The following IQCE variants were observed in gnomAD, a reference collection of about 807,000 sequenced individuals.
The protein encoded by IQCE is IQ domain-containing protein E.
IQCE carries 115 observed loss-of-function variants against 96.0 expected under a neutral mutation model. The observed-to-expected ratio is 1.20, with a 90% CI of 1.03 to 1.40. The LOEUF (loss-of-function observed/expected upper bound fraction) is 1.40, where lower values mean the gene tolerates loss of function less well. Among genes scored for constraint, IQCE ranks in the 40% most tolerant of loss-of-function variants. The pLI, the probability that IQCE is intolerant of heterozygous loss-of-function variation, is 0.00. For missense variants in IQCE, 1,041 were observed against 909.1 expected (o/e 1.15, Z -1.87); for synonymous variants, 412 against 371.2 (o/e 1.11, Z -1.26).
At chr7:2,608,456 A>G (rs930013899) in intron 21 of IQCE, among the ~76,000 whole-genome samples, 1 of 152,174 alleles carries the variant, frequency 6.6e-6, no homozygotes, top group Admixed American at 6.5e-5. Flanking sequence ...TCATTTTTTA[A>G]CCTAGTTTCG....
At chr7:2,566,889 C>T (rs1214193310) in intron 1 of IQCE, among the ~76,000 whole-genome samples, 1 of 152,240 alleles carries the variant, frequency 6.6e-6, no homozygotes, top group Non-Finnish European at 1.5e-5. Flanking sequence ...CATTTGCACG[C>T]CTGCTGGGCG....
chr7:2,565,862 C>T (rs746324266), intron 1 of IQCE, among the ~76,000 whole-genome samples: 12 of 152,070 alleles, frequency 7.9e-5, no homozygotes, highest in Non-Finnish European at 7.4e-5. Flanking sequence ...TGGAATGCAC[C>T]GTCTTTCCTT....
chr7:2,559,301 C>T, intron 1 of IQCE, 84 bp downstream of exon 1: 4 of 790,636 alleles, frequency 5.1e-6, no homozygotes, highest in Non-Finnish European at 6.7e-6. Context: ...CGGGGCCCCG[C>T]GCAGGGGCCG....
chr7:2,577,790 G>A (rs1490864580), intron 6 of IQCE, among the ~76,000 whole-genome samples: 17 of 135,414 alleles, frequency 1.3e-4, no homozygotes, highest in African/African-American at 4.5e-4. Context: ...CGGCGTATAC[G>A]CATTGGCGTG....
At chr7:2,561,426 T>G (rs1780946714) in intron 1 of IQCE, among the ~76,000 whole-genome samples, 1 of 151,478 alleles carries the variant, frequency 6.6e-6, no homozygotes. Flanking sequence ...ACAATAATTT[T>G]TTTTTTTTTT....
Position 2,614,081 on chromosome 7 carries a change from C to CCG in IQCE, c.*3920_*3921insGC, listed in dbSNP as rs1785205178. The CCG allele has an allele frequency of 6.6e-6, 1 of 152,158 alleles. No homozygotes were observed. Among genetic ancestry groups the CCG allele is most frequent in the South Asian group, 2.1e-4 (1 of 4,818 alleles). 9.4% of individuals were successfully genotyped at this position (152,158 alleles called of 1,614,324 possible). A position where few individuals can be genotyped will look rare whatever the true frequency, so the allele number is the denominator to read the frequency against. On this transcript the variant is annotated 3_prime_UTR_variant, in exon 22 of 22. Coordinates refer to ENST00000402050, the MANE Select transcript of IQCE (RefSeq NM_152558.5). Reference sequence around the variant, plus strand: ...TTTGTCTCCTGACGAGACGTGAGGACCATGCCCTTGATCCCTCCGATGGAC... The same window carrying CCG: ...TTTGTCTCCTGACGAGACGTGAGGACCGCATGCCCTTGATCCCTCCGATGGAC...
intron 16 of IQCE, among the ~76,000 whole-genome samples, chr7:2,595,441 C>T (rs1562666829): frequency 2.6e-5 from 4 of 152,166 alleles, no homozygotes; most frequent in Admixed American, 2.6e-4. Context: ...CCCTCCCTGC[C>T]GTCACTCAGC....
chr7:2,583,209 T>A (rs1393843082), intron 9 of IQCE, among the ~76,000 whole-genome samples: 1 of 152,222 alleles, frequency 6.6e-6, no homozygotes, highest in Non-Finnish European at 1.5e-5. Context: ...AAGTCTACTC[T>A]CTTTTGAGAC....
At chr7:2,592,277 G>C (rs73675130) in intron 14 of IQCE, among the ~76,000 whole-genome samples, 1 of 152,208 alleles carries the variant, frequency 6.6e-6, no homozygotes, top group South Asian at 2.1e-4. Flanking sequence ...AGTATTTCAC[G>C]ACAAGCTTTT....
chr7:2,592,906 C>T, intron 14 of IQCE, 116 bp from the exon 15 acceptor site: 2 of 1,123,144 alleles, frequency 1.8e-6, no homozygotes, highest in South Asian at 3.7e-5. Flanking sequence ...CCTCCTGCCC[C>T]ACCATCCACT....
intron 12 of IQCE, among the ~76,000 whole-genome samples, chr7:2,587,451 C>T (rs1047865024): frequency 4.6e-5 from 7 of 152,022 alleles, no homozygotes; most frequent in Admixed American, 4.6e-4. Context: ...GGAGGAGTGG[C>T]TAGCGAGGGG....
At chr7:2,598,916 T>A (rs1583496386) in intron 17 of IQCE, among the ~76,000 whole-genome samples, 2 of 152,228 alleles carry the variant, frequency 1.3e-5, no homozygotes, top group South Asian at 4.1e-4. Context: ...GCATGTATCT[T>A]CTAAGAAAAA....
At position 2,572,287 on chromosome 7, in the gene IQCE, A is replaced by C; in HGVS notation, c.355A>C (p.Arg119=). 1 of 1,614,194 alleles carries C rather than the reference A, an allele frequency of 6.2e-7. No homozygotes were observed. Among genetic ancestry groups the C allele is most frequent in the South Asian group, 1.1e-5 (1 of 91,090 alleles). Residue 119 remains arginine (R), a synonymous_variant, in exon 5 of 22, where the codon AGA becomes CGA. Transcript: ENST00000402050. ...GTPDCLTDTF[R]VKRPHLRRSA... ...TCCTGACTGTCTGACAGACACCTTC[A>C]GAGTGAAGAGGCCACATCTCAGGCG... is the stretch of plus-strand genomic sequence containing the variant.
rs73033679 is a variant in IQCE at position 2,589,394 on chromosome 7, G to A, written c.1045-513G>A. On this transcript the variant is annotated intron_variant, in intron 13 of 21. Transcript: ENST00000402050. ...GAAGAAAAGGTTCTATAAATTGTGG[G>A]CATTTAAAATATAGAACTTGTTGGG... Among the ~76,000 whole-genome samples, 1,007 of 152,210 alleles carry A rather than the reference G, an allele frequency of 6.6e-3. 4 individuals carry two copies. The highest frequency in any genetic ancestry group is 9.5e-3 in the Non-Finnish European group (648 of 68,012).
intron 16 of IQCE, chr7:2,597,099 G>T (rs1163218437): frequency 2.1e-6 from 1 of 470,868 alleles, no homozygotes; most frequent in Admixed American, 2.3e-5. Context: ...GAAGACCTGG[G>T]CCAGGGCCTT....
At chr7:2,590,345 G>A (rs949408190) in intron 14 of IQCE, among the ~76,000 whole-genome samples, 2 of 152,262 alleles carry the variant, frequency 1.3e-5, no homozygotes, top group African/African-American at 2.4e-5. Flanking sequence ...GAAACTGATT[G>A]TTGCCGGGGT....
chr7:2,607,372 C>T (rs1039058709), intron 21 of IQCE, 145 bp downstream of exon 21: 25 of 1,399,272 alleles, frequency 1.8e-5, no homozygotes, highest in Admixed American at 6.4e-5. Context: ...AACTAAGCGT[C>T]GCCTTATGCC....
intron 8 of IQCE, among the ~76,000 whole-genome samples, chr7:2,579,912 C>T (rs571214062): frequency 5.3e-5 from 8 of 152,056 alleles, no homozygotes; most frequent in Non-Finnish European, 1.2e-4. Flanking sequence ...CCACCACAGG[C>T]AGCTAATTTT....
At chr7:2,567,058 G>A (rs1781427272) in intron 1 of IQCE, 58 bp from the exon 2 acceptor site, 1 of 1,472,208 alleles carries the variant, frequency 6.8e-7, no homozygotes, top group Non-Finnish European at 9.5e-7. Context: ...TTGTAAACGT[G>A]ATGGTCGGAA....
Sources: gnomAD v4.1 joint callset for allele counts (sites outside exome capture counted in the v4.1 genomes callset) on GRCh38, gnomAD v4.1.1 for gene constraint, MANE v1.5 for transcripts, NCBI Gene and HGNC (gene_info 2026-07-23, HGNC 2026-07-21) for gene names.